Variants in COX16 observed in about 807,000 individuals in gnomAD.
COX16 encodes cytochrome c oxidase assembly factor COX16.
COX16 carries 12 observed loss-of-function variants against 15.4 expected under a neutral mutation model. That is an observed-to-expected ratio of 0.78 (90% confidence interval 0.50 to 1.26). The LOEUF (loss-of-function observed/expected upper bound fraction) is 1.26. Ranked by LOEUF, COX16 falls within the 50% of genes most tolerant of loss-of-function variation. The pLI, the probability that COX16 is intolerant of heterozygous loss-of-function variation, is 0.00. For synonymous variants in COX16, 46 were observed against 41.1 expected (o/e 1.12, Z -0.46); for missense variants, 124 against 127.6 (o/e 0.97, Z 0.14).
chr14:70,353,495 T>G (rs1341073919), intron 1 of COX16, among the ~76,000 whole-genome samples: 9 of 149,916 alleles, frequency 6.0e-5, no homozygotes, highest in African/African-American at 2.2e-4. Context: ...CACATAGAGA[T>G]AGATAGATAG....
rs1886029706 is a variant in COX16, at chr14:70,325,239, G to A, written c.*1094C>T. On this transcript the variant is annotated 3_prime_UTR_variant, in exon 4 of 4. Coordinates refer to ENST00000389912, the MANE Select transcript of COX16 (RefSeq NM_016468.7). ...ACTAGAACTCAGCATGAAACCAGAA[G>A]GTAGAAGCTGATAAAGGCAGGGGTA... 1 of 152,148 alleles carries A rather than the reference G, an allele frequency of 6.6e-6. No homozygotes were observed. The highest frequency in any genetic ancestry group is 6.5e-5 in the Admixed American group (1 of 15,278). 9.4% of individuals were successfully genotyped at this position (152,148 alleles called of 1,614,324 possible).
chr14:70,357,865 T>C (rs1486913611), intron 1 of COX16, among the ~76,000 whole-genome samples: 1 of 152,228 alleles, frequency 6.6e-6, no homozygotes, highest in Non-Finnish European at 1.5e-5. Context: ...AGTTACCATA[T>C]GACCTAGCAA....
intron 1 of COX16, among the ~76,000 whole-genome samples, chr14:70,346,359 A>G (rs1435633116): frequency 6.6e-6 from 1 of 152,230 alleles, no homozygotes; most frequent in African/African-American, 2.4e-5. Context: ...CCGCAGCTCC[A>G]CACGGAAGCC....
rs1227369768 is a variant in COX16, at chr14:70,326,286, AATATTT to A, written c.*41_*46del. The stretch of plus-strand genomic sequence containing the variant: ...GTATATATTAGGAAGTCCAGTTAAT[AATATTT>A]TTATTTAAAAAAAAAAAAAAGGAAA... On this transcript the variant is annotated 3_prime_UTR_variant, in exon 4 of 4. Transcript: ENST00000389912. 2.9e-6 allele frequency: 4 copies of A among 1,372,620 alleles called. No homozygotes were observed. The East Asian group carries it at 8.0e-5, about 28-fold the overall frequency. 85.0% of individuals were successfully genotyped at this position (1,372,620 alleles called of 1,614,324 possible). A position where few individuals can be genotyped will look rare whatever the true frequency, so the allele number is the denominator to read the frequency against.
chr14:70,352,316 A>G (rs1260060234), intron 1 of COX16, among the ~76,000 whole-genome samples: 1 of 151,792 alleles, frequency 6.6e-6, no homozygotes, highest in Non-Finnish European at 1.5e-5. Flanking sequence ...CCTCCCGAGT[A>G]GCTGGGATTA....
At chr14:70,341,760 T>G (rs944252508) in intron 2 of COX16, among the ~76,000 whole-genome samples, 10 of 152,244 alleles carry the variant, frequency 6.6e-5, no homozygotes, top group Non-Finnish European at 1.0e-4. Flanking sequence ...ACGATCCATT[T>G]AATCAGATAT....
intron 1 of COX16, among the ~76,000 whole-genome samples, chr14:70,351,058 A>G (rs1439902689): frequency 1.3e-5 from 2 of 152,252 alleles, no homozygotes; most frequent in Non-Finnish European, 1.5e-5. Flanking sequence ...TAGCCCTTCT[A>G]CTAAATGACT....
intron 2 of COX16, among the ~76,000 whole-genome samples, chr14:70,336,319 G>C (rs1322398326): frequency 6.6e-6 from 1 of 152,122 alleles, no homozygotes; most frequent in Non-Finnish European, 1.5e-5. Flanking sequence ...GGGCCAAGAG[G>C]AAGACATGGA....
chr14:70,352,645 C>CTTTTT (rs576495712), intron 1 of COX16, among the ~76,000 whole-genome samples: 1 of 84,484 alleles, frequency 1.2e-5, no homozygotes, highest in Non-Finnish European at 2.4e-5. Context: ...CTTTTTTTTT[C>CTTTTT]TTTTTTTTTT....
At chr14:70,357,666 A>G (rs1887172190) in intron 1 of COX16, among the ~76,000 whole-genome samples, 1 of 152,252 alleles carries the variant, frequency 6.6e-6, no homozygotes, top group African/African-American at 2.4e-5. Context: ...ATAAGTCGTT[A>G]GGGAAATGAA....
chr14:70,343,250 C>G (rs1318797426), intron 1 of COX16, among the ~76,000 whole-genome samples: 1 of 152,162 alleles, frequency 6.6e-6, no homozygotes, highest in African/African-American at 2.4e-5. Flanking sequence ...TAGCTATAAC[C>G]AACCAAGCTA....
intron 1 of COX16, among the ~76,000 whole-genome samples, chr14:70,343,684 C>T (rs1886689598): frequency 6.6e-6 from 1 of 152,212 alleles, no homozygotes; most frequent in Admixed American, 6.5e-5. Flanking sequence ...TCTGAAACAT[C>T]ATCTTAAGAT....
At chr14:70,337,635 T>TA (rs1277170137) in intron 2 of COX16, among the ~76,000 whole-genome samples, 3 of 152,108 alleles carry the variant, frequency 2.0e-5, no homozygotes, top group African/African-American at 7.2e-5. Flanking sequence ...AGCAGATCTA[T>TA]AGTGATCCTT....
rs192167736 is a variant in COX16, at chr14:70,342,467, G to A, written c.141+191C>T. Among the ~76,000 whole-genome samples the A allele has an allele frequency of 1.2e-3, 183 of 152,158 alleles. 6 individuals carry two copies. Among genetic ancestry groups the A allele is most frequent in the Middle Eastern group, 0.01 (3 of 294 alleles). On this transcript the variant is annotated intron_variant, in intron 2 of 3. Coordinates refer to ENST00000389912, the MANE Select transcript of COX16 (RefSeq NM_016468.7). ...GGCAAAAGAAAAAAAGAAAGATTAC[G>A]AAATTAGTTACATTTCATGATTCAC...
intron 1 of COX16, among the ~76,000 whole-genome samples, chr14:70,354,914 T>G (rs897780563): frequency 4.0e-5 from 6 of 151,724 alleles, no homozygotes; most frequent in African/African-American, 1.5e-4. Context: ...GAATCCACAC[T>G]CCTAACTAAA....
At chr14:70,333,124 C>G (rs1468490469) in intron 2 of COX16, among the ~76,000 whole-genome samples, 1 of 152,210 alleles carries the variant, frequency 6.6e-6, no homozygotes, top group Non-Finnish European at 1.5e-5. Context: ...CAAAACCAGA[C>G]TTGCACAGAC....
At position 70,326,256 on chromosome 14, in the gene COX16, T is replaced by G. The variant is rs1245315733; in HGVS notation, c.*77A>C. 8.5e-7 allele frequency: 1 copy of G among 1,178,526 alleles called. No individual in the cohort carries two copies. Among genetic ancestry groups the G allele is most frequent in the Non-Finnish European group, 1.1e-6 (1 of 910,076 alleles). 73.0% of individuals were successfully genotyped at this position (1,178,526 alleles called of 1,614,324 possible). A position where few individuals can be genotyped will look rare whatever the true frequency, so the allele number is the denominator to read the frequency against. On this transcript the variant is annotated 3_prime_UTR_variant, in exon 4 of 4. Coordinates refer to ENST00000389912, the MANE Select transcript of COX16 (RefSeq NM_016468.7). Reference sequence around the variant, plus strand: ...GGCCTGGAATTTCCTTTCCACTTGATAGAAGTATATATTAGGAAGTCCAGT... The same window carrying G: ...GGCCTGGAATTTCCTTTCCACTTGAGAGAAGTATATATTAGGAAGTCCAGT...
intron 2 of COX16, among the ~76,000 whole-genome samples, chr14:70,339,857 G>A (rs891028456): frequency 1.2e-4 from 18 of 152,038 alleles, no homozygotes; most frequent in African/African-American, 4.1e-4. Flanking sequence ...CCTCAACCAT[G>A]TCCTCTCATC....
At chr14:70,354,368 T>C (rs1013415830) in intron 1 of COX16, among the ~76,000 whole-genome samples, 7 of 152,204 alleles carry the variant, frequency 4.6e-5, no homozygotes, top group Non-Finnish European at 8.8e-5. Flanking sequence ...AGTCCAGCCA[T>C]GTGACTAGAG....
Sources: allele counts gnomAD v4.1 joint callset (sites outside exome capture counted in the v4.1 genomes callset), GRCh38; gene constraint gnomAD v4.1.1; transcripts MANE v1.5; gene names NCBI Gene and HGNC (gene_info 2026-07-23, HGNC 2026-07-21).